ARVCF: variants seen among roughly 807,000 people sequenced by gnomAD.
ARVCF encodes the protein ARVCF delta catenin family member.
In ARVCF, 66 loss-of-function variants were observed where a neutral mutation model predicts 90.9. That is an observed-to-expected ratio of 0.73 (90% CI 0.60 to 0.89). ARVCF has a LOEUF of 0.89. Among genes scored for constraint, ARVCF ranks in the 40% least tolerant of loss-of-function variants. The pLI is 0.00. For missense variants in ARVCF, 1,469 were observed against 1,382.3 expected, an observed-to-expected ratio of 1.06 and a Z score of -1.00; for synonymous variants, 653 against 603.4, an observed-to-expected ratio of 1.08 and a Z score of -1.21.
intron 3 of ARVCF, among the ~76,000 whole-genome samples, chr22:19,985,104 G>C (rs1385375204): frequency 6.6e-6 from 1 of 152,096 alleles, no homozygotes; most frequent in Non-Finnish European, 1.5e-5. Flanking sequence ...CTCTGCCTCA[G>C]ACCCAACTCT....
intron 3 of ARVCF, among the ~76,000 whole-genome samples, chr22:19,985,874 T>C (rs1222311991): frequency 6.6e-6 from 1 of 152,204 alleles, no homozygotes; most frequent in Non-Finnish European, 1.5e-5. Flanking sequence ...GTGGCTGCTG[T>C]CCGATGGATG....
intron 3 of ARVCF, among the ~76,000 whole-genome samples, chr22:19,985,552 G>A (rs376909770): frequency 6.6e-6 from 1 of 152,234 alleles, no homozygotes; most frequent in Non-Finnish European, 1.5e-5. Context: ...GGCTGGGGTC[G>A]TGGGACGTGC....
chr22:19,982,256 C>G (rs1943545080), intron 3 of ARVCF, among the ~76,000 whole-genome samples, 165 bp from the exon 4 acceptor site: 2 of 152,208 alleles, frequency 1.3e-5, no homozygotes, highest in African/African-American at 2.4e-5. Flanking sequence ...TCGGCCCAAG[C>G]TGACAAGGAC....
chr22:19,985,312 G>A (rs1943708442), intron 3 of ARVCF, among the ~76,000 whole-genome samples: 1 of 152,172 alleles, frequency 6.6e-6, no homozygotes, highest in African/African-American at 2.4e-5. Flanking sequence ...GGTGCACCAG[G>A]TCTGGGGCCC....
chr22:19,990,239 T>C (rs572186614), intron 3 of ARVCF, among the ~76,000 whole-genome samples: 6 of 152,128 alleles, frequency 3.9e-5, no homozygotes, highest in Non-Finnish European at 8.8e-5. Context: ...GTGCATGCAA[T>C]GAACACTGTG....
chr22:20,000,931 G>C (rs1224682471), intron 2 of ARVCF, among the ~76,000 whole-genome samples: 1 of 152,140 alleles, frequency 6.6e-6, no homozygotes, highest in Non-Finnish European at 1.5e-5. Flanking sequence ...CTCCATCTAA[G>C]GTATTTGGTG....
intron 5 of ARVCF, chr22:19,980,515 G>T: frequency 2.4e-6 from 1 of 423,248 alleles, no homozygotes; most frequent in Non-Finnish European, 4.1e-6. Flanking sequence ...TGCTGTCACC[G>T]GGCAGTTTCC....
At position 19,970,103 on chromosome 22, in the gene ARVCF, C is replaced by CG. The variant is rs1388042103; in HGVS notation, c.*652dup. The CG allele has an allele frequency of 1.0e-6, 1 of 985,542 alleles. No individual in the cohort carries two copies. Among genetic ancestry groups the CG allele is most frequent in the East Asian group, 1.1e-4 (1 of 8,800 alleles). 61.0% of individuals were successfully genotyped at this position (985,542 alleles called of 1,614,324 possible). A position where few individuals can be genotyped will look rare whatever the true frequency, so the allele number is the denominator to read the frequency against. On this transcript the variant is annotated 3_prime_UTR_variant, in exon 20 of 20. Coordinates refer to ENST00000263207, the MANE Select transcript of ARVCF (RefSeq NM_001670.3). ...AGGCTCCAGGCAGATGCGGCAGCCC[C>CG]GGCCCCAGCCAGCATGGGCTGGAGA...
Position 19,973,238 on chromosome 22 carries a change from T to G in ARVCF, c.2319A>C (p.Glu773Asp). The change falls in exon 14 of 20, where the codon GAA (glutamate) becomes GAC (aspartate). Residue 773 changes from glutamate to aspartate, a missense_variant. Physicochemically the swap from Glu to Asp is conservative, Grantham distance 45. Coordinates refer to ENST00000263207, the MANE Select transcript of ARVCF (RefSeq NM_001670.3). ...APPRPGACLE[E>D]DTVVAVLNTI... Reference sequence around the variant, plus strand: ...TGTTGAGCACCGCCACCACGGTGTCTTCCTCCAGGCAGGCCCCCGGTCGCG... The same window carrying G: ...TGTTGAGCACCGCCACCACGGTGTCGTCCTCCAGGCAGGCCCCCGGTCGCG... 6.2e-7 allele frequency: 1 copy of G among 1,610,818 alleles called. No homozygotes were observed. Among genetic ancestry groups the G allele is most frequent in the Non-Finnish European group, 8.5e-7 (1 of 1,179,296 alleles).
At chr22:20,014,433 G>C (rs1472237905) in intron 1 of ARVCF, among the ~76,000 whole-genome samples, 2 of 152,144 alleles carry the variant, frequency 1.3e-5, no homozygotes, top group Non-Finnish European at 2.9e-5. Context: ...GACCTCAGGT[G>C]ATCCACCTGC....
chr22:19,997,612 T>G (rs1175343370), intron 2 of ARVCF, among the ~76,000 whole-genome samples: 1 of 152,188 alleles, frequency 6.6e-6, no homozygotes, highest in Non-Finnish European at 1.5e-5. Flanking sequence ...CGTGGAGTAG[T>G]GGCAGTGAGG....
chr22:19,978,319 G>A (rs1943279170), intron 7 of ARVCF, among the ~76,000 whole-genome samples: 1 of 152,044 alleles, frequency 6.6e-6, no homozygotes, highest in Non-Finnish European at 1.5e-5. Flanking sequence ...GGGAAAGACA[G>A]GGTTTCCCTG....
At chr22:19,977,329 G>A in intron 9 of ARVCF, 86 bp downstream of exon 9, 1 of 1,438,752 alleles carries the variant, frequency 7.0e-7, no homozygotes, top group Non-Finnish European at 9.2e-7. Context: ...TAGCCTCCAT[G>A]ATGGGCTGCT....
intron 2 of ARVCF, among the ~76,000 whole-genome samples, chr22:20,007,509 A>C (rs1476679688): frequency 6.6e-6 from 1 of 152,276 alleles, no homozygotes. Flanking sequence ...CTATGGGCTG[A>C]ACGTGTCCCC....
In ARVCF at chr22:19,979,015, T is replaced by A. The variant is rs780919187; in HGVS notation, c.1462A>T (p.Thr488Ser). The A allele has an allele frequency of 1.9e-6, 3 of 1,613,386 alleles. No homozygotes were observed. The change falls in exon 7 of 20, where the codon ACG becomes TCG. Residue 488 changes from threonine (T) to serine (S), a missense_variant. Coordinates refer to ENST00000263207, the MANE Select transcript of ARVCF (RefSeq NM_001670.3). ...GGCACGATCACCTCGTGGGTCAGCGTCTGCAGGCCATGGTCAATGATGACC... is the reference window on the plus strand; with the variant it reads ...GGCACGATCACCTCGTGGGTCAGCGACTGCAGGCCATGGTCAATGATGACC... Reference protein sequence around the residue: ...KMVIIDHGLQTLTHEVIVPHS... With the variant: ...KMVIIDHGLQSLTHEVIVPHS...
rs1342617587 is a variant in ARVCF, at chr22:20,010,525, GGGCA to G, written c.-72-21_-72-18del. Reference sequence around the variant, plus strand: ...CTCTGGCTCCTGCAGGGAAACCAGAGGGCATGAGTGAGGTCAATCCAGCTGGGTA... The same window carrying G: ...CTCTGGCTCCTGCAGGGAAACCAGAGTGAGTGAGGTCAATCCAGCTGGGTA... On this transcript the variant is annotated intron_variant, in intron 1 of 19. Coordinates refer to ENST00000263207, the MANE Select transcript of ARVCF (RefSeq NM_001670.3). 1 of 152,244 alleles carries G rather than the reference GGGCA, an allele frequency of 6.6e-6. No homozygotes were observed. Among genetic ancestry groups the G allele is most frequent in the Non-Finnish European group, 1.5e-5 (1 of 68,064 alleles). The allele number at this position is 152,244 out of a possible 1,614,324, so 9.4% of individuals were successfully genotyped here.
chr22:19,980,171 G>T lies in ARVCF; in HGVS notation c.968C>A (p.Ala323Glu). ...DERPAFPMVTAPLAQPERGSM... is the reference protein window; with the variant it reads ...DERPAFPMVTEPLAQPERGSM... Reference sequence around the variant, plus strand: ...GCCCCGTTCAGGCTGGGCCAGGGGCGCCGTCACCATTGGGAACGCAGGCCG... The same window carrying T: ...GCCCCGTTCAGGCTGGGCCAGGGGCTCCGTCACCATTGGGAACGCAGGCCG... Residue 323 changes from alanine to glutamate, a missense_variant, in exon 6 of 20, where the codon GCG (alanine) becomes GAG (glutamate). Transcript: ENST00000263207. The T allele has an allele frequency of 6.3e-7, 1 of 1,577,936 alleles. No individual in the cohort carries two copies.
rs750251729 is a variant in ARVCF at position 19,981,927 on chromosome 22, C to A, written c.369+6G>T. 24 of 1,611,654 alleles carry A rather than the reference C, an allele frequency of 1.5e-5. 1 individual carries two copies. In the South Asian group the frequency reaches 2.6e-4, roughly 18 times the overall value. On this transcript the variant is annotated splice_donor_region_variant and intron_variant, in intron 4 of 19. Transcript: ENST00000263207. ...TCACCCACCCACTGCCTGGGCCTGG[C>A]CATACCTTGGTCTCGGTGCGCCGGG...
At position 19,977,967 on chromosome 22, in the gene ARVCF, A is replaced by T. The variant is rs1373594875; in HGVS notation, c.1689T>A (p.Thr563=). The change falls in exon 8 of 20, where the codon ACT becomes ACA. Residue 563 remains threonine (T), a synonymous_variant. Coordinates refer to ENST00000263207, the MANE Select transcript of ARVCF (RefSeq NM_001670.3). Reference sequence around the variant, plus strand: ...GACCGTCCCTGCCCACCTTGTTGTCAGTGTCCTTCCGGCCCACAGCCGACT... The same window carrying T: ...GACCGTCCCTGCCCACCTTGTTGTCTGTGTCCTTCCGGCCCACAGCCGACT... ...ALQSAVGRKD[T]DNKSVENCVC... 5.0e-6 allele frequency: 8 copies of T among 1,607,198 alleles called. No homozygotes were observed. The highest frequency in any genetic ancestry group is 1.3e-5 in the African/African-American group (1 of 74,658).
Sources: allele counts gnomAD v4.1 joint callset (sites outside exome capture counted in the v4.1 genomes callset), GRCh38; gene constraint gnomAD v4.1.1; transcripts MANE v1.5; gene names NCBI Gene and HGNC (gene_info 2026-07-23, HGNC 2026-07-21).